GDA: variants seen among roughly 807,000 people sequenced by gnomAD.
GDA encodes the protein cytoplasmic PSD-95 interactor.
A neutral mutation model predicts 59.6 loss-of-function variants in GDA; 18 were observed. The observed-to-expected ratio is 0.30, with a 90% confidence interval of 0.21 to 0.45. GDA has a LOEUF of 0.45. GDA is among the 20% of genes least tolerant of loss of function. The pLI is 1.00. For synonymous variants in GDA, 201 were observed against 201.1 expected, an observed-to-expected ratio of 1.00 and a Z score of 0.00; for missense variants, 427 against 552.3, an observed-to-expected ratio of 0.77 and a Z score of 2.27.
At chr9:72,146,350 A>G (rs932318515), upstream of GDA, among the ~76,000 whole-genome samples, 2 of 152,000 alleles carry the variant, frequency 1.3e-5, no homozygotes, top group African/African-American at 4.8e-5. Context: ...GGGGTGGAGC[A>G]CTAATGATGC....
Position 72,250,283 on chromosome 9 carries a change from C to T in GDA, c.*1941C>T. On this transcript the variant is annotated 3_prime_UTR_variant, in exon 14 of 14. Transcript: ENST00000358399. ...TAGCTGCTTCTAGCATTTGCAAGAT[C>T]CTACACTTTTACCTTCTTTAAGGGT... 1 of 1,002,012 alleles carries T rather than the reference C, an allele frequency of 1.0e-6. No individual in the cohort carries two copies. The highest frequency in any genetic ancestry group is 1.2e-6 in the Non-Finnish European group (1 of 840,874). 62.1% of individuals were successfully genotyped at this position (1,002,012 alleles called of 1,614,324 possible). A position where few individuals can be genotyped will look rare whatever the true frequency, so the allele number is the denominator to read the frequency against.
intron 1 of GDA, among the ~76,000 whole-genome samples, chr9:72,173,658 G>A (rs1270482660): frequency 6.6e-6 from 1 of 152,108 alleles, no homozygotes; most frequent in East Asian, 1.9e-4. Context: ...GGACACTTGT[G>A]ATTGTATTTA....
Position 72,251,291 on chromosome 9 carries a change from G to C in GDA, c.*2949G>C, listed in dbSNP as rs951690224. 1.3e-5 allele frequency: 2 copies of C among 157,544 alleles called. No individual in the cohort carries two copies. The highest frequency in any genetic ancestry group is 2.8e-5 in the Non-Finnish European group (2 of 71,798). 9.8% of individuals were successfully genotyped at this position (157,544 alleles called of 1,614,324 possible). On this transcript the variant is annotated 3_prime_UTR_variant, in exon 14 of 14. Coordinates refer to ENST00000358399, the MANE Select transcript of GDA (RefSeq NM_004293.5). ...GAGATCTTAGAGAGGAAATATAACC[G>C]GTGTGAGATCTAGCAATGCATTTTG...
intron 1 of GDA, among the ~76,000 whole-genome samples, chr9:72,190,746 T>A (rs1455218179): frequency 6.6e-6 from 1 of 152,160 alleles, no homozygotes; most frequent in Non-Finnish European, 1.5e-5. Flanking sequence ...AGCCTTCTGT[T>A]GATCAACCAT....
chr9:72,171,706 T>G (rs185480157), intron 1 of GDA, among the ~76,000 whole-genome samples: 1 of 152,254 alleles, frequency 6.6e-6, no homozygotes, highest in East Asian at 1.9e-4. Flanking sequence ...TATTCTCCCT[T>G]AGGTCCTGCA....
intron 4 of GDA, among the ~76,000 whole-genome samples, chr9:72,211,266 C>T (rs1835324681): frequency 1.3e-5 from 2 of 152,222 alleles, no homozygotes; most frequent in Non-Finnish European, 2.9e-5. Flanking sequence ...ACCTTAGTAA[C>T]AACTATGGTG....
chr9:72,244,184 A>G (rs1839916360), intron 11 of GDA, among the ~76,000 whole-genome samples: 1 of 151,882 alleles, frequency 6.6e-6, no homozygotes, highest in Admixed American at 6.6e-5. Flanking sequence ...CTCAAAAAAA[A>G]AAAAAAGAAA....
intron 11 of GDA, among the ~76,000 whole-genome samples, chr9:72,244,566 C>T (rs1434803078): frequency 1.3e-5 from 2 of 152,082 alleles, no homozygotes; most frequent in Non-Finnish European, 2.9e-5. Context: ...AGAATCTGTT[C>T]ATTTTGAGAA....
intron 9 of GDA, chr9:72,229,177 A>AC (rs1838006907): frequency 1.2e-5 from 2 of 162,800 alleles, no homozygotes; most frequent in African/African-American, 2.5e-5. Context: ...CTACTAAAAA[A>AC]AAAAAAAAAA....
At chr9:72,239,370 A>G (rs1396687250) in intron 10 of GDA, among the ~76,000 whole-genome samples, 1 of 152,132 alleles carries the variant, frequency 6.6e-6, no homozygotes, top group Non-Finnish European at 1.5e-5. Flanking sequence ...CCTAATTTAT[A>G]CTTATTCTTT....
chr9:72,200,297 C>G (rs1284705648), intron 2 of GDA, among the ~76,000 whole-genome samples: 4 of 151,728 alleles, frequency 2.6e-5, no homozygotes, highest in Non-Finnish European at 1.5e-5. Context: ...TGCCCAGCCT[C>G]CTCTCCTTCT....
intron 1 of GDA, among the ~76,000 whole-genome samples, chr9:72,142,763 T>TTTTA (rs942143388): frequency 2.6e-4 from 39 of 152,108 alleles, no homozygotes; most frequent in African/African-American, 6.0e-4. Flanking sequence ...ATACCTTTTA[T>TTTTA]TTTATTTATT....
chr9:72,142,864 G>A (rs970404793), intron 1 of GDA, among the ~76,000 whole-genome samples: 1 of 151,536 alleles, frequency 6.6e-6, no homozygotes, highest in East Asian at 2.0e-4. Context: ...TGCCTCCTGG[G>A]TTCAAGCGAT....
Position 72,234,276 on chromosome 9 carries a change from G to T in GDA, c.988+3095G>T, listed in dbSNP as rs189207654. On this transcript the variant is annotated intron_variant, in intron 10 of 13. Coordinates refer to ENST00000358399, the MANE Select transcript of GDA (RefSeq NM_004293.5). Reference sequence around the variant, plus strand: ...TAGGTAAGAATTTGGGGAATTGACAGGAAAAGGCCATGAGGGAATTTGCTG... The same window carrying T: ...TAGGTAAGAATTTGGGGAATTGACATGAAAAGGCCATGAGGGAATTTGCTG... 2.6e-5 allele frequency among the ~76,000 whole-genome samples: 4 copies of T among 152,220 alleles called. No individual in the cohort carries two copies. In the East Asian group the frequency reaches 7.7e-4, roughly 29 times the overall value.
intron 11 of GDA, among the ~76,000 whole-genome samples, chr9:72,243,958 G>A (rs1339566046): frequency 1.3e-5 from 2 of 152,140 alleles, no homozygotes; most frequent in East Asian, 1.9e-4. Flanking sequence ...GGCAGTTCGC[G>A]AGGTTAGGAG....
upstream of GDA, chr9:72,149,296 C>G (rs1826840810): frequency 2.0e-6 from 1 of 499,984 alleles, no homozygotes; most frequent in African/African-American, 2.1e-5. Context: ...CCAAAACTAA[C>G]GCAAGGGTGG....
rs552741146 is a variant in GDA, at chr9:72,213,599, C to G, written c.473-287C>G. On this transcript the variant is annotated intron_variant, in intron 4 of 13. Coordinates refer to ENST00000358399, the MANE Select transcript of GDA (RefSeq NM_004293.5). ...CGGGCGGATCACAAGGTCAGGAGAT[C>G]GAGACCATCTTGGCTAACACGGTGA... Among the ~76,000 whole-genome samples the G allele has an allele frequency of 1.5e-4, 22 of 151,430 alleles. No individual in the cohort carries two copies. The South Asian group carries it at 2.1e-3, about 14-fold the overall frequency.
At chr9:72,170,254 G>A (rs1366858506) in intron 1 of GDA, among the ~76,000 whole-genome samples, 1 of 152,182 alleles carries the variant, frequency 6.6e-6, no homozygotes, top group Non-Finnish European at 1.5e-5. Context: ...TGGGGCACTT[G>A]TGCATATTAC....
intron 10 of GDA, among the ~76,000 whole-genome samples, chr9:72,235,347 G>A (rs989810944): frequency 1.3e-5 from 2 of 152,138 alleles, no homozygotes; most frequent in Non-Finnish European, 2.9e-5. Flanking sequence ...TCATTTGAAT[G>A]TCTTCAGTAT....
Sources: allele counts gnomAD v4.1 joint callset (sites outside exome capture counted in the v4.1 genomes callset), GRCh38; gene constraint gnomAD v4.1.1; transcripts MANE v1.5; gene names NCBI Gene and HGNC (gene_info 2026-07-23, HGNC 2026-07-21).